The following FZD3 variants were observed in gnomAD, a reference collection of about 807,000 sequenced individuals.
The protein encoded by FZD3 is frizzled-3.
FZD3 carries 30 observed loss-of-function variants against 60.7 expected under a neutral mutation model. The observed-to-expected ratio is 0.49, with a 90% CI of 0.37 to 0.67. The LOEUF (loss-of-function observed/expected upper bound fraction) is 0.67. Ranked by LOEUF, FZD3 falls within the 30% of genes least tolerant of loss-of-function variation. The pLI, the probability that FZD3 is intolerant of heterozygous loss-of-function variation, is 0.00. For synonymous variants in FZD3, 246 were observed against 275.2 expected, an observed-to-expected ratio of 0.89 and a Z score of 1.05; for missense variants, 605 against 838.7, an observed-to-expected ratio of 0.72 and a Z score of 3.44.
intron 7 of FZD3, among the ~76,000 whole-genome samples, chr8:28,560,242 G>A (rs1357412458): frequency 1.3e-5 from 2 of 152,054 alleles, no homozygotes; most frequent in African/African-American, 4.8e-5. Context: ...TTTGACAACG[G>A]CAGCAAATTA....
chr8:28,523,472 C>T (rs1409818390), intron 4 of FZD3, among the ~76,000 whole-genome samples: 1 of 151,990 alleles, frequency 6.6e-6, no homozygotes, highest in South Asian at 2.1e-4. Context: ...CTGTGTTGCC[C>T]AGGCTGGAGT....
chr8:28,539,931 T>C (rs1448197457), intron 5 of FZD3, among the ~76,000 whole-genome samples: 1 of 152,122 alleles, frequency 6.6e-6, no homozygotes, highest in Admixed American at 6.6e-5. Context: ...TCTATTTAAT[T>C]AAAAATAATT....
chr8:28,495,847 A>AC (rs966713506), intron 1 of FZD3, among the ~76,000 whole-genome samples: 12 of 150,836 alleles, frequency 8.0e-5, no homozygotes, highest in African/African-American at 1.2e-4. Flanking sequence ...CTTCTACCAT[A>AC]CCCCCCCACC....
chr8:28,553,849 C>T (rs1031203259), intron 6 of FZD3, among the ~76,000 whole-genome samples: 2 of 152,206 alleles, frequency 1.3e-5, no homozygotes, highest in Non-Finnish European at 2.9e-5. Context: ...TTATTGGGCA[C>T]ATTTAATACT....
rs1167122991 is a variant in FZD3, at chr8:28,565,399, G to A, written c.*2388G>A. On this transcript the variant is annotated 3_prime_UTR_variant, in exon 8 of 8. Coordinates refer to ENST00000240093, the MANE Select transcript of FZD3 (RefSeq NM_017412.4). The stretch of plus-strand genomic sequence containing the variant: ...AATAATTCATGAAGCTTTTGTCTGA[G>A]AATCTCTCCTGCAAACAGCATGAGA... 4 of 152,078 alleles carry A rather than the reference G, an allele frequency of 2.6e-5. No homozygotes were observed. Among genetic ancestry groups the A allele is most frequent in the Non-Finnish European group, 4.4e-5 (3 of 68,004 alleles). The allele number at this position is 152,078 out of a possible 1,614,324, so 9.4% of individuals were successfully genotyped here.
chr8:28,533,583 TTTG>T (rs1455653225), intron 5 of FZD3, among the ~76,000 whole-genome samples: 3 of 119,998 alleles, frequency 2.5e-5, no homozygotes, highest in Non-Finnish European at 4.8e-5. Flanking sequence ...TTATGTTTGT[TTTG>T]TTTTGTTTTG....
At chr8:28,523,728 C>T (rs1055071353) in intron 4 of FZD3, among the ~76,000 whole-genome samples, 1 of 152,142 alleles carries the variant, frequency 6.6e-6, no homozygotes, top group African/African-American at 2.4e-5. Flanking sequence ...TGGCCAGGCT[C>T]TGCCTCTGAA....
Position 28,573,838 on chromosome 8 carries a change from CAA to C in FZD3, c.*10829_*10830del, listed in dbSNP as rs1444176573. ...GCTGGCACTTAGCAGTTTAGTTTTC[CAA>C]ACTTTATTCTGAATCAAATTGCTGA... is the stretch of plus-strand genomic sequence containing the variant. On this transcript the variant is annotated 3_prime_UTR_variant, in exon 8 of 8. Coordinates refer to ENST00000240093, the MANE Select transcript of FZD3 (RefSeq NM_017412.4). 1.3e-5 allele frequency: 2 copies of C among 151,964 alleles called. No homozygotes were observed. Among genetic ancestry groups the C allele is most frequent in the South Asian group, 2.1e-4 (1 of 4,818 alleles). 9.4% of individuals were successfully genotyped at this position (151,964 alleles called of 1,614,324 possible).
In FZD3 at chr8:28,555,837, T is replaced by A; in HGVS notation, c.1653T>A (p.Thr551=). 3.7e-6 allele frequency: 6 copies of A among 1,613,610 alleles called. No individual in the cohort carries two copies. The highest frequency in any genetic ancestry group is 5.1e-6 in the Non-Finnish European group (6 of 1,179,518). Residue 551 remains threonine, a synonymous_variant, in exon 7 of 8, where the codon ACT becomes ACA. Transcript: ENST00000240093. The stretch of plus-strand genomic sequence containing the variant: ...CTATCATAAGAAAGTCAAGGGGAAC[T>A]TCCACTCAAGGAACATCCACCCATG... ...NTPIIRKSRG[T]STQGTSTHAS...
chr8:28,528,888 T>C (rs1003514318), intron 5 of FZD3, among the ~76,000 whole-genome samples: 7 of 152,162 alleles, frequency 4.6e-5, no homozygotes, highest in Non-Finnish European at 7.4e-5. Context: ...TTAGTACTTC[T>C]AGAATCTGTG....
intron 5 of FZD3, among the ~76,000 whole-genome samples, chr8:28,539,854 T>A (rs200401157): frequency 2.0e-5 from 3 of 150,786 alleles, no homozygotes; most frequent in African/African-American, 7.3e-5. Context: ...TCACAATAAT[T>A]AAAAAAAAAT....
intron 5 of FZD3, among the ~76,000 whole-genome samples, chr8:28,534,714 C>T (rs1804965731): frequency 1.3e-5 from 2 of 152,182 alleles, no homozygotes; most frequent in Admixed American, 6.5e-5. Context: ...ATAATTTGCC[C>T]TACTTTGATT....
rs1805826338 is a variant in FZD3, at chr8:28,572,590, T to C, written c.*9579T>C. The C allele has an allele frequency of 6.6e-6, 1 of 152,178 alleles. No homozygotes were observed. Among genetic ancestry groups the C allele is most frequent in the African/African-American group, 2.4e-5 (1 of 41,458 alleles). 9.4% of individuals were successfully genotyped at this position (152,178 alleles called of 1,614,324 possible). A position where few individuals can be genotyped will look rare whatever the true frequency, so the allele number is the denominator to read the frequency against. The stretch of plus-strand genomic sequence containing the variant: ...TTATAATCTGAGATATTGTTATGTA[T>C]TAGGTTTGTGCAAACCTAATATAAA... On this transcript the variant is annotated 3_prime_UTR_variant, in exon 8 of 8. Coordinates refer to ENST00000240093, the MANE Select transcript of FZD3 (RefSeq NM_017412.4).
At chr8:28,551,553 T>C in intron 5 of FZD3, 50 bp from the exon 6 acceptor site, 1 of 1,363,534 alleles carries the variant, frequency 7.3e-7, no homozygotes, top group South Asian at 1.3e-5. Context: ...TGGCCTTTAA[T>C]AGAAAGTTAT....
At chr8:28,515,321 G>A (rs957839389) in intron 3 of FZD3, among the ~76,000 whole-genome samples, 2 of 152,132 alleles carry the variant, frequency 1.3e-5, no homozygotes, top group South Asian at 2.1e-4. Flanking sequence ...GCAGAGTCTC[G>A]GGAGACTGAG....
At chr8:28,508,263 C>T (rs1804193035) in intron 3 of FZD3, among the ~76,000 whole-genome samples, 1 of 152,062 alleles carries the variant, frequency 6.6e-6, no homozygotes, top group African/African-American at 2.4e-5. Context: ...GTGATTCAAG[C>T]TCGCTTCATA....
chr8:28,534,469 T>G (rs558896706), intron 5 of FZD3, among the ~76,000 whole-genome samples: 1 of 152,176 alleles, frequency 6.6e-6, no homozygotes, highest in Non-Finnish European at 1.5e-5. Context: ...AGGAGAATGG[T>G]TTGAGCCCAA....
intron 5 of FZD3, among the ~76,000 whole-genome samples, chr8:28,537,326 TA>T (rs1363680860): frequency 3.9e-5 from 6 of 152,262 alleles, no homozygotes; most frequent in Non-Finnish European, 7.3e-5. Context: ...TTAAACAGAA[TA>T]ACCTAAGTTG....
chr8:28,546,258 T>C (rs561884677), intron 5 of FZD3, among the ~76,000 whole-genome samples: 3 of 152,366 alleles, frequency 2.0e-5, no homozygotes, highest in South Asian at 2.1e-4. Context: ...AGTTGTGTGC[T>C]GTAGCTGGCT....
Sources: allele counts gnomAD v4.1 joint callset (sites outside exome capture counted in the v4.1 genomes callset), GRCh38; gene constraint gnomAD v4.1.1; transcripts MANE v1.5; gene names NCBI Gene and HGNC (gene_info 2026-07-23, HGNC 2026-07-21).